The following GDAP2 variants were observed in gnomAD, a reference collection of about 807,000 sequenced individuals.
GDAP2 encodes the protein ganglioside induced differentiation associated protein 2.
A neutral mutation model predicts 67.0 loss-of-function variants in GDAP2; 51 were observed. That is an observed-to-expected ratio of 0.76 (90% confidence interval 0.61 to 0.96). The LOEUF is 0.96. GDAP2 is among the 40% of genes least tolerant of loss of function. The pLI is 0.00. For synonymous variants in GDAP2, 203 were observed against 207.3 expected, an observed-to-expected ratio of 0.98 and a Z score of 0.18; for missense variants, 547 against 588.3, an observed-to-expected ratio of 0.93 and a Z score of 0.73.
intron 6 of GDAP2, among the ~76,000 whole-genome samples, chr1:117,903,674 A>G (rs1213181651): frequency 6.6e-6 from 1 of 152,102 alleles, no homozygotes; most frequent in African/African-American, 2.4e-5. Flanking sequence ...ATTTGGTTTG[A>G]TAATTTTTGC....
At chr1:117,874,369 C>T (rs991130857) in intron 13 of GDAP2, among the ~76,000 whole-genome samples, 7 of 152,138 alleles carry the variant, frequency 4.6e-5, no homozygotes, top group African/African-American at 1.7e-4. Flanking sequence ...CTTGCTTTCT[C>T]TTTTGCCATG....
chr1:117,905,463 CT>C lies in GDAP2; in HGVS notation c.636+1042del, dbSNP rs1424481203. Among the ~76,000 whole-genome samples, 9 of 152,248 alleles carry C rather than the reference CT, an allele frequency of 5.9e-5. No homozygotes were observed. In the East Asian group the frequency reaches 1.4e-3, roughly 23 times the overall value. On this transcript the variant is annotated intron_variant, in intron 6 of 13. Coordinates refer to ENST00000369443, the MANE Select transcript of GDAP2 (RefSeq NM_017686.4). ...CTCTCCCTCGGCAAATCTTATGTACCTTTTACAATTATTTCAACTTATGTAT... is the reference window on the plus strand; with the variant it reads ...CTCTCCCTCGGCAAATCTTATGTACCTTTACAATTATTTCAACTTATGTAT...
At chr1:117,910,762 T>C (rs932956176) in intron 5 of GDAP2, among the ~76,000 whole-genome samples, 13 of 152,146 alleles carry the variant, frequency 8.5e-5, no homozygotes, top group African/African-American at 2.9e-4. Context: ...TGACAAGAAG[T>C]TCGCTAAAAT....
intron 1 of GDAP2, among the ~76,000 whole-genome samples, chr1:117,923,814 C>G (rs188255799): frequency 6.9e-4 from 105 of 152,320 alleles, no homozygotes; most frequent in South Asian, 3.5e-3. Flanking sequence ...CTCATATAGC[C>G]TTTTCACCTA....
intron 3 of GDAP2, 103 bp from the exon 4 acceptor site, chr1:117,912,786 T>C (rs1414305389): frequency 2.0e-6 from 2 of 1,014,374 alleles, no homozygotes; most frequent in East Asian, 4.8e-5. Context: ...CTTTGAGAAA[T>C]TTCAGTTAAA....
chr1:117,875,596 T>C (rs1211406188), intron 13 of GDAP2, among the ~76,000 whole-genome samples: 2 of 152,184 alleles, frequency 1.3e-5, no homozygotes, highest in African/African-American at 2.4e-5. Context: ...ACCTCTAGCA[T>C]TCAGCTTCAA....
chr1:117,887,637 T>C, intron 9 of GDAP2, 61 bp downstream of exon 9: 1 of 848,106 alleles, frequency 1.2e-6, no homozygotes, highest in Non-Finnish European at 2.1e-6. Flanking sequence ...AATTCTCAAA[T>C]AGCATGCTTG....
chr1:117,905,177 C>T (rs1157953865), intron 6 of GDAP2, among the ~76,000 whole-genome samples: 1 of 152,134 alleles, frequency 6.6e-6, no homozygotes, highest in East Asian at 1.9e-4. Context: ...TTTCCCTTTC[C>T]AAATCATCCT....
chr1:117,881,264 C>A (rs1168165166), intron 12 of GDAP2, among the ~76,000 whole-genome samples: 1 of 152,118 alleles, frequency 6.6e-6, no homozygotes, highest in Non-Finnish European at 1.5e-5. Flanking sequence ...GACTAGATAT[C>A]TTGATGAAGT....
rs982906283 is a variant in GDAP2 at position 117,870,427 on chromosome 1, T to C, written c.*142A>G. 1.4e-5 allele frequency: 9 copies of C among 664,960 alleles called. No homozygotes were observed. Among genetic ancestry groups the C allele is most frequent in the East Asian group, 2.6e-5 (1 of 37,862 alleles). 41.2% of individuals were successfully genotyped at this position (664,960 alleles called of 1,614,324 possible). On this transcript the variant is annotated 3_prime_UTR_variant, in exon 14 of 14. Coordinates refer to ENST00000369443, the MANE Select transcript of GDAP2 (RefSeq NM_017686.4). ...TAGATTGCTTATGTGCCAGAAAATATACAGTCAATAAAAAAATACCAGAGA... is the reference window on the plus strand; with the variant it reads ...TAGATTGCTTATGTGCCAGAAAATACACAGTCAATAAAAAAATACCAGAGA...
chr1:117,884,056 G>A (rs747943918), intron 10 of GDAP2, among the ~76,000 whole-genome samples: 10 of 152,196 alleles, frequency 6.6e-5, no homozygotes, highest in Middle Eastern at 3.4e-3. Flanking sequence ...CAAAGTCTTT[G>A]CAGTCTCTAC....
intron 5 of GDAP2, among the ~76,000 whole-genome samples, chr1:117,906,785 T>C (rs1351509031): frequency 6.6e-6 from 1 of 152,192 alleles, no homozygotes; most frequent in Non-Finnish European, 1.5e-5. Flanking sequence ...GCAACTGTGA[T>C]AGACATTTTA....
chr1:117,879,997 G>A (rs115907769), intron 12 of GDAP2, among the ~76,000 whole-genome samples: 2,402 of 152,138 alleles, frequency 0.016, 70 homozygotes, highest in African/African-American at 0.054. Flanking sequence ...TGGCAACAGG[G>A]CAAGACCCCA....
intron 1 of GDAP2, among the ~76,000 whole-genome samples, chr1:117,924,920 T>G (rs1650390585): frequency 6.6e-6 from 1 of 152,120 alleles, no homozygotes; most frequent in South Asian, 2.1e-4. Context: ...AATTGCCTCA[T>G]GCTCAATGGA....
intron 8 of GDAP2, among the ~76,000 whole-genome samples, chr1:117,890,089 G>GAA (rs1477958091): frequency 6.6e-6 from 1 of 152,014 alleles, no homozygotes; most frequent in Non-Finnish European, 1.5e-5. Flanking sequence ...ACAGTACGAA[G>GAA]AAAATTAACT....
chr1:117,907,012 C>G (rs1224087834), intron 5 of GDAP2, among the ~76,000 whole-genome samples: 2 of 152,190 alleles, frequency 1.3e-5, no homozygotes, highest in Non-Finnish European at 2.9e-5. Context: ...TGATCTAGCA[C>G]AAGTGTCTTT....
intron 1 of GDAP2, among the ~76,000 whole-genome samples, chr1:117,921,814 T>C (rs1650264242): frequency 6.6e-6 from 1 of 152,158 alleles, no homozygotes; most frequent in African/African-American, 2.4e-5. Flanking sequence ...CAGAGATCAA[T>C]AGAAAATGAC....
intron 3 of GDAP2, among the ~76,000 whole-genome samples, chr1:117,917,908 C>T (rs771569586): frequency 2.0e-5 from 3 of 152,120 alleles, no homozygotes; most frequent in African/African-American, 7.2e-5. Flanking sequence ...AGTTCAGTTA[C>T]GGCCATTTCC....
chr1:117,867,868 G>C lies in GDAP2; in HGVS notation c.*2701C>G, dbSNP rs1648130305. 1 of 152,166 alleles carries C rather than the reference G, an allele frequency of 6.6e-6. No homozygotes were observed. The highest frequency in any genetic ancestry group is 6.5e-5 in the Admixed American group (1 of 15,278). The allele number at this position is 152,166 out of a possible 1,614,324, so 9.4% of individuals were successfully genotyped here. On this transcript the variant is annotated 3_prime_UTR_variant, in exon 14 of 14. Coordinates refer to ENST00000369443, the MANE Select transcript of GDAP2 (RefSeq NM_017686.4). ...TTCACTATCAAGAAACTTGGATATA[G>C]ATGAATTAAGAACCCAAATACACGT...
Sources: allele counts gnomAD v4.1 joint callset (sites outside exome capture counted in the v4.1 genomes callset), GRCh38; gene constraint gnomAD v4.1.1; transcripts MANE v1.5; gene names NCBI Gene and HGNC (gene_info 2026-07-23, HGNC 2026-07-21).